DBN1: variants seen among roughly 807,000 people sequenced by gnomAD.
DBN1 encodes drebrin 1.
A neutral mutation model predicts 83.5 loss-of-function variants in DBN1; 21 were observed. The ratio of observed to expected loss-of-function variants is 0.25; its 90% confidence interval spans 0.18 to 0.36. The LOEUF (loss-of-function observed/expected upper bound fraction) is 0.36. Among genes scored for constraint, DBN1 ranks in the 10% least tolerant of loss-of-function variants. The pLI, the probability that DBN1 is intolerant of heterozygous loss-of-function variation, is 1.00. For synonymous variants in DBN1, 381 were observed against 384.9 expected (o/e 0.99, Z 0.12); for missense variants, 874 against 935.7 (o/e 0.93, Z 0.86).
At chr5:177,469,640 T>C (rs541126907) in intron 1 of DBN1, among the ~76,000 whole-genome samples, 1 of 152,220 alleles carries the variant, frequency 6.6e-6, no homozygotes, top group Non-Finnish European at 1.5e-5. Context: ...GTCTGAGCTC[T>C]AACAGAAAGC....
intron 1 of DBN1, among the ~76,000 whole-genome samples, chr5:177,470,122 C>A (rs559103745): frequency 5.3e-5 from 8 of 152,302 alleles, no homozygotes; most frequent in African/African-American, 1.9e-4. Flanking sequence ...CCTGGATTCC[C>A]GGCTTCCTAC....
At position 177,458,540 on chromosome 5, in the gene DBN1, G is replaced by A; in HGVS notation, c.1432C>T (p.Leu478=). ...GTGGCAGGCTCCACGGGAGCAGCCAGGACAGCCTGCTCTGCAGACTCCATG... is the reference window on the plus strand; with the variant it reads ...GTGGCAGGCTCCACGGGAGCAGCCAAGACAGCCTGCTCTGCAGACTCCATG... The part of the protein sequence containing the change: ...MFMESAEQAV[L]AAPVEPATAD... The change falls in exon 13 of 15, where the codon CTG becomes TTG. Residue 478 remains leucine (L), a synonymous_variant. Coordinates refer to ENST00000393565, the MANE Select transcript of DBN1 (RefSeq NM_001363541.2). 6.2e-7 allele frequency: 1 copy of A among 1,614,190 alleles called. No individual in the cohort carries two copies.
chr5:177,459,943 C>T (rs928942887), intron 10 of DBN1, among the ~76,000 whole-genome samples: 5 of 152,196 alleles, frequency 3.3e-5, no homozygotes, highest in African/African-American at 9.7e-5. Context: ...ACAGCAGGGA[C>T]GGCCTGTGGC....
chr5:177,466,303 T>C lies in DBN1; in HGVS notation c.771+469A>G, dbSNP rs1179314265. Among the ~76,000 whole-genome samples the C allele has an allele frequency of 2.0e-5, 3 of 152,182 alleles. No individual in the cohort carries two copies. Among genetic ancestry groups the C allele is most frequent in the African/African-American group, 7.2e-5 (3 of 41,448 alleles). ...CACAGGACCTACGGGCCATTCCCAA[T>C]GTGTGGAGATTCAGACAGTACCCCT... On this transcript the variant is annotated intron_variant, in intron 8 of 14. Coordinates refer to ENST00000393565, the MANE Select transcript of DBN1 (RefSeq NM_001363541.2). The surrounding 1 kb of genome is among the most constrained non-coding windows in gnomAD (Gnocchi z 4.8).
intron 1 of DBN1, among the ~76,000 whole-genome samples, chr5:177,471,526 T>G (rs1407031969): frequency 6.6e-6 from 1 of 152,092 alleles, no homozygotes; most frequent in Non-Finnish European, 1.5e-5. Context: ...CCCCTCCCTC[T>G]GGACCTATGT....
chr5:177,470,298 CTG>C (rs1244524037), intron 1 of DBN1, among the ~76,000 whole-genome samples: 2 of 152,190 alleles, frequency 1.3e-5, no homozygotes, highest in Non-Finnish European at 1.5e-5. Context: ...GAAGCAGGCT[CTG>C]TCTCTCTCCA....
At chr5:177,465,854 C>CAAAAAAAA (rs111807451) in intron 8 of DBN1, among the ~76,000 whole-genome samples, 1 of 69,880 alleles carries the variant, frequency 1.4e-5, no homozygotes. Flanking sequence ...GACTCCATCT[C>CAAAAAAAA]AAAAAAAAAA....
intron 12 of DBN1, 75 bp from the exon 13 acceptor site, chr5:177,458,782 G>A (rs1260037870): frequency 7.5e-7 from 1 of 1,336,516 alleles, no homozygotes; most frequent in African/African-American, 1.5e-5. Flanking sequence ...CACCCACTAA[G>A]GAGTGAGGGA....
Position 177,467,875 on chromosome 5 carries a change from A to C in DBN1, c.256-58T>G. On this transcript the variant is annotated intron_variant, in intron 3 of 14. Coordinates refer to ENST00000393565, the MANE Select transcript of DBN1 (RefSeq NM_001363541.2). The surrounding 1 kb of genome is among the most constrained non-coding windows in gnomAD (Gnocchi z 9.1). ...AAGGACAAGGGGGGCCCTACACGAT[A>C]GGGTGCATCTTCCCCGGGGTGGGAA... 6.3e-7 allele frequency: 1 copy of C among 1,576,558 alleles called. No individual in the cohort carries two copies. Among genetic ancestry groups the C allele is most frequent in the South Asian group, 1.1e-5 (1 of 88,938 alleles).
At chr5:177,465,885 C>G (rs942488074) in intron 8 of DBN1, among the ~76,000 whole-genome samples, 12 of 151,160 alleles carry the variant, frequency 7.9e-5, no homozygotes, top group Non-Finnish European at 5.9e-5. Context: ...CATGAATCAA[C>G]TTATGAAAAA....
At position 177,458,684 on chromosome 5, in the gene DBN1, G is replaced by C. The variant is rs776647726; in HGVS notation, c.1288C>G (p.Leu430Val). 16 of 1,539,978 alleles carry C rather than the reference G, an allele frequency of 1.0e-5. No individual in the cohort carries two copies. Among genetic ancestry groups the C allele is most frequent in the African/African-American group, 4.1e-5 (3 of 72,436 alleles). Reference sequence around the variant, plus strand: ...GCTGCTCTGGTCTCCTCACTGTCTAGGATGGGGCTGGGCTCCTGGGTCTCT... The same window carrying C: ...GCTGCTCTGGTCTCCTCACTGTCTACGATGGGGCTGGGCTCCTGGGTCTCT... ...AQETQEPSPI[L>V]DSEETRAAAP... is the part of the protein sequence containing the mutation. The change falls in exon 13 of 15, where the codon CTA (leucine) becomes GTA (valine). Residue 430 changes from leucine (L) to valine (V), a missense_variant. Physicochemically the swap from Leu to Val is conservative, Grantham distance 32. Transcript: ENST00000393565.
rs144532482 is a variant in DBN1, at chr5:177,472,201, G to A, written c.86+1235C>T. 1.1e-5 allele frequency: 18 copies of A among 1,613,638 alleles called. No homozygotes were observed. In the African/African-American group the frequency reaches 2.1e-4, roughly 19 times the overall value. The stretch of plus-strand genomic sequence containing the variant: ...AGTGCTGCAGTACCATGCCATGGAT[G>A]CCCAGCCATCTCATCCTCTCCTCCA... On this transcript the variant is annotated intron_variant, in intron 1 of 14. Transcript: ENST00000393565.
At position 177,458,176 on chromosome 5, in the gene DBN1, G is replaced by T. The variant is rs1283359395; in HGVS notation, c.1796C>A (p.Ser599Tyr). Residue 599 changes from serine to tyrosine, a missense_variant, in exon 13 of 15, where the codon TCC (serine) becomes TAC (tyrosine). Ser to Tyr is a moderately radical substitution (Grantham distance 144). Around this residue, in one of 4 missense-constraint regions of DBN1, gnomAD observed 725 missense variants for 719.7 expected, o/e 1.01. Coordinates refer to ENST00000393565, the MANE Select transcript of DBN1 (RefSeq NM_001363541.2). ...AGTTGGGGTCTGGGGGGCAGCCAGG[G>T]ACTCCCCTTCCACTTCCTCTGGGTC... is the stretch of plus-strand genomic sequence containing the variant. ...FCDPEEVEGE[S>Y]LAAPQTPTLP... 4 of 1,612,814 alleles carry T rather than the reference G, an allele frequency of 2.5e-6. No individual in the cohort carries two copies. The highest frequency in any genetic ancestry group is 3.4e-6 in the Non-Finnish European group (4 of 1,179,690).
intron 1 of DBN1, chr5:177,472,397 C>T: frequency 1.4e-6 from 2 of 1,449,256 alleles, no homozygotes; most frequent in East Asian, 2.7e-5. Flanking sequence ...GGGCACCTTC[C>T]CTAGAAGAAG....
intron 8 of DBN1, among the ~76,000 whole-genome samples, chr5:177,464,557 A>C (rs1276417063): frequency 6.6e-6 from 1 of 151,904 alleles, no homozygotes; most frequent in Non-Finnish European, 1.5e-5. Flanking sequence ...TAAGAGATCG[A>C]GACCATCCTG....
chr5:177,460,805 G>A, intron 8 of DBN1, 102 bp from the exon 9 acceptor site: 1 of 1,214,506 alleles, frequency 8.2e-7, no homozygotes, highest in Admixed American at 2.1e-5. Flanking sequence ...TTTAAGACAG[G>A]TTCTCGCCCT....
In DBN1 at chr5:177,460,151, G is replaced by A. The variant is rs112094196; in HGVS notation, c.955+281C>T. ...AGGCCAGACCTAATTCACCCCAGCCGAGCTGCTCCCCGTGGCCAGCGCTGT... is the reference window on the plus strand; with the variant it reads ...AGGCCAGACCTAATTCACCCCAGCCAAGCTGCTCCCCGTGGCCAGCGCTGT... On this transcript the variant is annotated intron_variant, in intron 10 of 14. Coordinates refer to ENST00000393565, the MANE Select transcript of DBN1 (RefSeq NM_001363541.2). 7.2e-5 allele frequency among the ~76,000 whole-genome samples: 11 copies of A among 152,326 alleles called. 1 individual carries two copies. Among genetic ancestry groups the A allele is most frequent in the Admixed American group, 2.6e-4 (4 of 15,308 alleles).
intron 1 of DBN1, among the ~76,000 whole-genome samples, chr5:177,469,496 G>A (rs1757697076): frequency 6.6e-6 from 1 of 152,186 alleles, no homozygotes; most frequent in Non-Finnish European, 1.5e-5. Flanking sequence ...TCTCTGAAAT[G>A]GGGATGAGGT....
intron 14 of DBN1, 22 bp from the exon 15 acceptor site, chr5:177,457,525 G>A: frequency 6.2e-7 from 1 of 1,611,526 alleles, no homozygotes; most frequent in South Asian, 1.1e-5. Context: ...GAAAGGGAGA[G>A]GAGTTAGGGA....
Sources: gnomAD v4.1 joint callset for allele counts (sites outside exome capture counted in the v4.1 genomes callset) on GRCh38, gnomAD v4.1.1 for gene constraint, gnomAD v4.1.1 regional missense constraint, Gnocchi (gnomAD v3.1) non-coding constraint, MANE v1.5 for transcripts, NCBI Gene and HGNC (gene_info 2026-07-23, HGNC 2026-07-21) for gene names.